The following RYR2 variants were observed in gnomAD, a reference collection of about 807,000 sequenced individuals.
RYR2 encodes the protein ryanodine receptor 2.
RYR2 carries 227 observed loss-of-function variants against 601.1 expected under a neutral mutation model. The observed-to-expected ratio is 0.38, with a 90% CI of 0.34 to 0.42. The LOEUF is 0.42. Ranked by LOEUF, RYR2 falls within the 10% of genes least tolerant of loss-of-function variation. The pLI is 1.00. For synonymous variants in RYR2, 2,223 were observed against 2,175.1 expected (o/e 1.02, Z -0.61); for missense variants, 4,646 against 6,156.5 (o/e 0.75, Z 8.21).
At chr1:237,086,494 A>G (rs1277836662) in intron 1 of RYR2, among the ~76,000 whole-genome samples, 2 of 152,088 alleles carry the variant, frequency 1.3e-5, no homozygotes, top group African/African-American at 2.4e-5. Flanking sequence ...AGTGGACAAG[A>G]TTTTTGAACT....
intron 1 of RYR2, among the ~76,000 whole-genome samples, chr1:237,149,312 C>CAAA (rs1166046517): frequency 6.6e-6 from 1 of 151,576 alleles, no homozygotes; most frequent in African/African-American, 2.4e-5. Context: ...CAAACAAAAA[C>CAAA]AAAAACAAAA....
Position 237,610,830 on chromosome 1 carries a change from GC to G in RYR2, c.4753del (p.Arg1585AlafsTer20). On this transcript the variant is annotated frameshift_variant, in exon 36 of 105. Coordinates refer to ENST00000366574, the MANE Select transcript of RYR2 (RefSeq NM_001035.3). LOFTEE classifies it high-confidence loss of function. The surrounding 1 kb of genome is among the most constrained non-coding windows in gnomAD (Gnocchi z 4.9). ...HKNPVPQCPP[R>X]LHVQFLSHVL... is the part of the protein sequence containing the mutation. ...AGAACCCCGTGCCGCAGTGCCCCCC[GC>G]GCCTCCACGTGCAGTTCCTGTCACA... 6.2e-7 allele frequency: 1 copy of G among 1,612,540 alleles called. No individual in the cohort carries two copies. The highest frequency in any genetic ancestry group is 8.5e-7 in the Non-Finnish European group (1 of 1,179,420).
intron 1 of RYR2, among the ~76,000 whole-genome samples, chr1:237,100,992 A>G (rs977321643): frequency 8.1e-4 from 123 of 151,580 alleles, no homozygotes; most frequent in Non-Finnish European, 1.1e-3. Flanking sequence ...TTGCCGCCTC[A>G]CTTCCTAAGC....
chr1:237,283,926 T>C (rs1691163205), intron 2 of RYR2, among the ~76,000 whole-genome samples: 2 of 152,194 alleles, frequency 1.3e-5, no homozygotes, highest in African/African-American at 4.8e-5. Context: ...CACTGCACCA[T>C]ATTTGTTGTC....
intron 79 of RYR2, among the ~76,000 whole-genome samples, chr1:237,736,398 G>C (rs1473951100): frequency 1.3e-5 from 2 of 149,074 alleles, no homozygotes; most frequent in Non-Finnish European, 3.0e-5. Flanking sequence ...GAGGCGGAAA[G>C]TTGCAGTGAG....
At chr1:237,207,527 TCACA>T (rs1681951533) in intron 1 of RYR2, among the ~76,000 whole-genome samples, 1 of 152,194 alleles carries the variant, frequency 6.6e-6, no homozygotes, top group African/African-American at 2.4e-5. Flanking sequence ...GATCATGCCA[TCACA>T]CTCCAGCCTG....
chr1:237,402,859 G>GAGGC (rs1703490396), intron 10 of RYR2, among the ~76,000 whole-genome samples: 1 of 149,508 alleles, frequency 6.7e-6, no homozygotes, highest in Non-Finnish European at 1.5e-5. Flanking sequence ...ATGGCTCACT[G>GAGGC]CAGCCTCGAT....
At chr1:237,431,569 C>A (rs2150100342) in intron 12 of RYR2, among the ~76,000 whole-genome samples, 1 of 152,186 alleles carries the variant, frequency 6.6e-6, no homozygotes, top group African/African-American at 2.4e-5. Context: ...ATTCATGCAG[C>A]TACTTTATTA....
At chr1:237,454,328 A>G (rs1182671981) in intron 14 of RYR2, 63 bp from the exon 15 acceptor site, 2 of 1,498,846 alleles carry the variant, frequency 1.3e-6, no homozygotes, top group Non-Finnish European at 1.8e-6. Context: ...AATCATCTAT[A>G]AATGGAAAAA....
chr1:237,824,654 A>G (rs1574101444), intron 101 of RYR2, among the ~76,000 whole-genome samples: 1 of 152,200 alleles, frequency 6.6e-6, no homozygotes, highest in Non-Finnish European at 1.5e-5. Flanking sequence ...CTCCTATTCA[A>G]CATGGTGTTG....
chr1:237,797,103 A>G (rs61830311), intron 96 of RYR2, among the ~76,000 whole-genome samples: 8,485 of 151,970 alleles, frequency 0.056, 316 homozygotes, highest in African/African-American at 0.1. Context: ...ATTACTGTGT[A>G]AGACTCACTC....
At chr1:237,779,366 A>G (rs549473412) in intron 88 of RYR2, among the ~76,000 whole-genome samples, 217 of 152,330 alleles carry the variant, frequency 1.4e-3, no homozygotes, top group African/African-American at 4.8e-3. Flanking sequence ...TATTTGTTTC[A>G]TTTGAAACAA....
At chr1:237,399,975 T>C (rs1703198353) in intron 10 of RYR2, among the ~76,000 whole-genome samples, 1 of 151,406 alleles carries the variant, frequency 6.6e-6, no homozygotes, top group African/African-American at 2.4e-5. Context: ...GAAGAGAAAC[T>C]CAGAAAGATT....
chr1:237,769,344 C>G (rs748518174), intron 84 of RYR2, among the ~76,000 whole-genome samples: 11 of 152,062 alleles, frequency 7.2e-5, no homozygotes, highest in Admixed American at 5.2e-4. Context: ...CCTATCCTGT[C>G]GTGAATTTAA....
intron 53 of RYR2, among the ~76,000 whole-genome samples, chr1:237,657,513 A>C (rs912248198): frequency 6.6e-6 from 1 of 151,898 alleles, no homozygotes; most frequent in African/African-American, 2.4e-5. Flanking sequence ...TATTTTCCCT[A>C]TAGTTAATAC....
chr1:237,813,162 C>G (rs950701467), intron 100 of RYR2, among the ~76,000 whole-genome samples: 4 of 152,048 alleles, frequency 2.6e-5, no homozygotes, highest in Admixed American at 1.3e-4. Flanking sequence ...GAGTGGGAGG[C>G]CAGGAAAGGC....
At chr1:237,745,595 C>A (rs765157327) in intron 80 of RYR2, among the ~76,000 whole-genome samples, 56 of 152,108 alleles carry the variant, frequency 3.7e-4, no homozygotes, top group Non-Finnish European at 3.5e-4. Flanking sequence ...AGAAAGGCTC[C>A]TCATTCAGAA....
At chr1:237,474,599 C>A (rs996195641) in intron 17 of RYR2, among the ~76,000 whole-genome samples, 12 of 152,040 alleles carry the variant, frequency 7.9e-5, no homozygotes, top group African/African-American at 2.9e-4. Flanking sequence ...TTCTCAAAAT[C>A]TTAACCTCAC....
chr1:237,614,054 A>G lies in RYR2; in HGVS notation c.4926A>G (p.Leu1642=), dbSNP rs1398638003. 6.2e-7 allele frequency: 1 copy of G among 1,613,078 alleles called. No individual in the cohort carries two copies. Among genetic ancestry groups the G allele is most frequent in the East Asian group, 2.2e-5 (1 of 44,856 alleles). The change falls in exon 37 of 105, where the codon TTA becomes TTG. Residue 1642 remains leucine, a synonymous_variant. Transcript: ENST00000366574. This position sits in a 1 kb window ranked among gnomAD's most constrained non-coding sequence, Gnocchi z 4.3. The part of the protein sequence containing the change: ...IPEENRSVDI[L]ELTEQEELLK... Reference sequence around the variant, plus strand: ...CCTTCTACAGATCTGTTGACATCTTAGAGTTGACAGAGCAGGAGGAATTGC... The same window carrying G: ...CCTTCTACAGATCTGTTGACATCTTGGAGTTGACAGAGCAGGAGGAATTGC...
Sources: allele counts gnomAD v4.1 joint callset (sites outside exome capture counted in the v4.1 genomes callset), GRCh38; gene constraint gnomAD v4.1.1; non-coding constraint Gnocchi (gnomAD v3.1); transcripts MANE v1.5; gene names NCBI Gene and HGNC (gene_info 2026-07-23, HGNC 2026-07-21).